RFX7: variants seen among roughly 807,000 people sequenced by gnomAD.
RFX7 encodes the protein DNA-binding protein RFX7.
Under a neutral mutation model 111.8 loss-of-function variants are expected in RFX7, and 26 were observed. That is an observed-to-expected ratio of 0.23 (90% CI 0.17 to 0.32). RFX7 has a LOEUF of 0.32. Among genes scored for constraint, RFX7 ranks in the 10% least tolerant of loss-of-function variants. The pLI, the probability that RFX7 is intolerant of heterozygous loss-of-function variation, is 1.00. For synonymous variants in RFX7, 624 were observed against 624.4 expected, an observed-to-expected ratio of 1.00 and a Z score of 0.01; for missense variants, 1,573 against 1,772.9, an observed-to-expected ratio of 0.89 and a Z score of 2.02.
intron 3 of RFX7, among the ~76,000 whole-genome samples, chr15:56,146,091 AT>A (rs766284121): frequency 6.6e-5 from 10 of 151,242 alleles, no homozygotes; most frequent in Middle Eastern, 3.4e-3. Context: ...GGTTCCTGAA[AT>A]TTTTTTTTGT....
chr15:56,144,868 G>T (rs1169295399), intron 3 of RFX7, among the ~76,000 whole-genome samples: 1 of 152,114 alleles, frequency 6.6e-6, no homozygotes, highest in African/African-American at 2.4e-5. Context: ...TGGCTATGAG[G>T]TTTTCAGCAC....
chr15:56,207,144 CTA>C (rs1185436195), intron 2 of RFX7, among the ~76,000 whole-genome samples: 1 of 151,940 alleles, frequency 6.6e-6, no homozygotes, highest in African/African-American at 2.4e-5. Flanking sequence ...ATTAAAATAA[CTA>C]TGTCAAATTA....
intron 2 of RFX7, among the ~76,000 whole-genome samples, chr15:56,194,303 A>C (rs1370675036): frequency 6.6e-6 from 1 of 152,134 alleles, no homozygotes; most frequent in Non-Finnish European, 1.5e-5. Context: ...TTCTTGTGTT[A>C]TAGAAACAGA....
At chr15:56,163,190 A>C (rs1357810893) in intron 3 of RFX7, among the ~76,000 whole-genome samples, 10 of 152,144 alleles carry the variant, frequency 6.6e-5, no homozygotes, top group African/African-American at 2.4e-4. Context: ...AGGGAAGAAG[A>C]TAATTTTTTG....
chr15:56,098,816 A>G (rs185487290), intron 8 of RFX7, among the ~76,000 whole-genome samples: 47 of 152,372 alleles, frequency 3.1e-4, no homozygotes, highest in African/African-American at 9.9e-4. Flanking sequence ...GGGGCATTCA[A>G]TAATTCAATA....
chr15:56,097,974 C>T, intron 9 of RFX7, 107 bp downstream of exon 9: 1 of 903,704 alleles, frequency 1.1e-6, no homozygotes, highest in Admixed American at 2.7e-5. Flanking sequence ...GTCACAAAAT[C>T]AGTTTGTGGC....
rs1448615638 is a variant in RFX7, at chr15:56,103,734, T to C, written c.402-64A>G. ...TCAGAATTATATCGCAGGGTGCTAT[T>C]TCAATACAATTTGATCCTTCTGACA... On this transcript the variant is annotated intron_variant, in intron 5 of 9. Transcript: ENST00000559447. 5.4e-6 allele frequency: 5 copies of C among 930,948 alleles called. No homozygotes were observed. In the African/African-American group the frequency reaches 8.3e-5, roughly 15 times the overall value. The allele number at this position is 930,948 out of a possible 1,614,324, so 57.7% of individuals were successfully genotyped here. A position where few individuals can be genotyped will look rare whatever the true frequency, so the allele number is the denominator to read the frequency against.
At chr15:56,187,875 G>A (rs1451955292) in intron 2 of RFX7, among the ~76,000 whole-genome samples, 1 of 152,070 alleles carries the variant, frequency 6.6e-6, no homozygotes, top group Admixed American at 6.6e-5. Flanking sequence ...AGAATCCAAA[G>A]TCTATAACAT....
chr15:56,131,718 C>G (rs2042220389), intron 5 of RFX7, among the ~76,000 whole-genome samples: 1 of 152,156 alleles, frequency 6.6e-6, no homozygotes, highest in Non-Finnish European at 1.5e-5. Context: ...GTGATACATA[C>G]TTAACATCAG....
chr15:56,241,960 T>C (rs1443497592), intron 2 of RFX7, among the ~76,000 whole-genome samples: 1 of 152,160 alleles, frequency 6.6e-6, no homozygotes, highest in Non-Finnish European at 1.5e-5. Flanking sequence ...ATAATGAAAA[T>C]TACTATATAA....
chr15:56,194,181 C>G (rs2043126079), intron 2 of RFX7, among the ~76,000 whole-genome samples: 1 of 152,124 alleles, frequency 6.6e-6, no homozygotes, highest in Non-Finnish European at 1.5e-5. Flanking sequence ...CTTGTCCCTT[C>G]CAACACCAAG....
At chr15:56,139,766 G>A (rs1303694310) in intron 5 of RFX7, among the ~76,000 whole-genome samples, 1 of 151,770 alleles carries the variant, frequency 6.6e-6, no homozygotes, top group Non-Finnish European at 1.5e-5. Context: ...TTTGGTCTTT[G>A]ATGATGGTGA....
intron 6 of RFX7, among the ~76,000 whole-genome samples, chr15:56,103,129 ATTTTTTTT>A (rs11336124): frequency 0.036 from 3,408 of 94,574 alleles, 81 homozygotes; most frequent in East Asian, 0.13. Flanking sequence ...GTTCCATAAG[ATTTTTTTT>A]TTTTTTTTTT....
At chr15:56,227,392 A>G (rs2043496461) in intron 2 of RFX7, among the ~76,000 whole-genome samples, 1 of 152,202 alleles carries the variant, frequency 6.6e-6, no homozygotes, top group Non-Finnish European at 1.5e-5. Context: ...GATATGGACC[A>G]TATCTTTAAC....
chr15:56,156,643 A>G (rs879909031), intron 3 of RFX7, among the ~76,000 whole-genome samples: 1 of 151,006 alleles, frequency 6.6e-6, no homozygotes, highest in Admixed American at 6.6e-5. Flanking sequence ...ACCTTATTGG[A>G]TATTTTCAAA....
At chr15:56,168,177 A>G (rs2042804716) in intron 3 of RFX7, among the ~76,000 whole-genome samples, 1 of 152,194 alleles carries the variant, frequency 6.6e-6, no homozygotes. Flanking sequence ...CATCTGCAAA[A>G]TGACAATGAT....
intron 5 of RFX7, among the ~76,000 whole-genome samples, chr15:56,121,105 TC>T (rs2042072832): frequency 6.6e-6 from 1 of 152,232 alleles, no homozygotes; most frequent in Non-Finnish European, 1.5e-5. Context: ...TCAGATGATG[TC>T]TTACTGCTCA....
At chr15:56,143,503 G>C (rs970480911) in intron 4 of RFX7, among the ~76,000 whole-genome samples, 1 of 151,982 alleles carries the variant, frequency 6.6e-6, no homozygotes, top group Non-Finnish European at 1.5e-5. Flanking sequence ...CAGGCCCCCT[G>C]CCTCAGCCTG....
intron 2 of RFX7, among the ~76,000 whole-genome samples, chr15:56,199,296 T>G (rs2043172652): frequency 1.3e-5 from 2 of 152,202 alleles, no homozygotes; most frequent in Admixed American, 1.3e-4. Context: ...TCATTTTTGC[T>G]TTCTAATGAG....
Sources: gnomAD v4.1 joint callset for allele counts (sites outside exome capture counted in the v4.1 genomes callset) on GRCh38, gnomAD v4.1.1 for gene constraint, MANE v1.5 for transcripts, NCBI Gene and HGNC (gene_info 2026-07-23, HGNC 2026-07-21) for gene names.